Variants in PTPRS observed in about 807,000 individuals in gnomAD.
PTPRS encodes receptor-type tyrosine-protein phosphatase S.
A neutral mutation model predicts 215.3 loss-of-function variants in PTPRS; 63 were observed. The ratio of observed to expected loss-of-function variants is 0.29; its 90% CI spans 0.24 to 0.36. The LOEUF (loss-of-function observed/expected upper bound fraction) is 0.36. PTPRS is among the 10% of genes least tolerant of loss of function. PTPRS has a pLI of 1.00. For missense variants in PTPRS, 2,258 were observed against 2,825.8 expected, an observed-to-expected ratio of 0.80 and a Z score of 4.56; for synonymous variants, 1,404 against 1,191.4, an observed-to-expected ratio of 1.18 and a Z score of -3.68.
chr19:5,273,127 T>C lies in PTPRS; in HGVS notation c.379+315A>G, dbSNP rs1407211135. On this transcript the variant is annotated intron_variant, in intron 4 of 37. Transcript: ENST00000262963. Reference sequence around the variant, plus strand: ...GCCAGCCACTCCATGGAATTTTAATTCTGCACATCAATTACCTTTCTCGCT... The same window carrying C: ...GCCAGCCACTCCATGGAATTTTAATCCTGCACATCAATTACCTTTCTCGCT... 8.5e-6 allele frequency: 3 copies of C among 352,352 alleles called. No homozygotes were observed. In the Admixed American group the frequency reaches 1.3e-4, roughly 15 times the overall value. The allele number at this position is 352,352 out of a possible 1,614,324, so 21.8% of individuals were successfully genotyped here.
intron 25 of PTPRS, among the ~76,000 whole-genome samples, chr19:5,217,327 G>A (rs2041566349): frequency 6.6e-6 from 1 of 152,198 alleles, no homozygotes; most frequent in Non-Finnish European, 1.5e-5. Flanking sequence ...GGAGACTGCA[G>A]CCGTCAGTTA....
At chr19:5,326,031 A>G (rs2050157421) in intron 1 of PTPRS, among the ~76,000 whole-genome samples, 2 of 152,054 alleles carry the variant, frequency 1.3e-5, no homozygotes, top group African/African-American at 4.8e-5. Flanking sequence ...AGGAGTTCGA[A>G]ACCAGCCTGG....
At chr19:5,222,269 G>T in intron 18 of PTPRS, 49 bp from the exon 19 acceptor site, 1 of 1,490,822 alleles carries the variant, frequency 6.7e-7, no homozygotes, top group South Asian at 1.1e-5. Flanking sequence ...GAGGCCCCAT[G>T]AGTGCCTGGC....
chr19:5,215,496 A>C lies in PTPRS; in HGVS notation c.4194+2T>G. 1 of 1,608,298 alleles carries C rather than the reference A, an allele frequency of 6.2e-7. No homozygotes were observed. The highest frequency in any genetic ancestry group is 8.5e-7 in the Non-Finnish European group (1 of 1,175,574). On this transcript the variant is annotated splice_donor_variant, in intron 27 of 37. Coordinates refer to ENST00000262963, the MANE Select transcript of PTPRS (RefSeq NM_002850.4). LOFTEE classifies it high-confidence loss of function. The stretch of plus-strand genomic sequence containing the variant: ...GAGGGTGGGAGGCGGGGGTGGGCTC[A>C]CCTCATACTCCTGGGAGAGCTTGAG...
At chr19:5,286,810 C>T (rs1316710802) in intron 1 of PTPRS, among the ~76,000 whole-genome samples, 2 of 152,082 alleles carry the variant, frequency 1.3e-5, no homozygotes, top group African/African-American at 2.4e-5. Flanking sequence ...GAGTCCCCAA[C>T]CCAGGCTGGG....
chr19:5,264,143 AC>A (rs1382815083), intron 5 of PTPRS, among the ~76,000 whole-genome samples: 6 of 64,766 alleles, frequency 9.3e-5, no homozygotes, highest in Non-Finnish European at 1.3e-4. Flanking sequence ...GTGCCCCCTT[AC>A]AGACCTGAAG....
At position 5,286,041 on chromosome 19, in the gene PTPRS, G is replaced by C; in HGVS notation, c.91+9C>G. The C allele has an allele frequency of 6.2e-7, 1 of 1,611,316 alleles. No homozygotes were observed. The highest frequency in any genetic ancestry group is 8.5e-7 in the Non-Finnish European group (1 of 1,177,728). ...GCAGACCCCTGCACATCCCGTGCCG[G>C]CTTCTTACCTTCTGCTGCACAGCCT... On this transcript the variant is annotated intron_variant, in intron 2 of 37. Coordinates refer to ENST00000262963, the MANE Select transcript of PTPRS (RefSeq NM_002850.4).
At chr19:5,290,130 T>C (rs4807710) in intron 1 of PTPRS, among the ~76,000 whole-genome samples, 139,197 of 152,266 alleles carry the variant, frequency 0.91, 63,768 homozygotes, top group Middle Eastern at 0.97. Flanking sequence ...GCTGAACCCA[T>C]GTGGGGCTCA....
At chr19:5,313,758 C>T (rs775514046) in intron 1 of PTPRS, among the ~76,000 whole-genome samples, 1 of 152,042 alleles carries the variant, frequency 6.6e-6, no homozygotes, top group Admixed American at 6.6e-5. Flanking sequence ...ACCAACCCAC[C>T]GTTCAATCCA....
At chr19:5,248,765 G>A (rs1398940802) in intron 9 of PTPRS, among the ~76,000 whole-genome samples, 1 of 152,206 alleles carries the variant, frequency 6.6e-6, no homozygotes, top group Non-Finnish European at 1.5e-5. Context: ...AGACGTGGAG[G>A]AGCTGATGTG....
At position 5,221,094 on chromosome 19, in the gene PTPRS, G is replaced by A. The variant is rs748360435; in HGVS notation, c.3361C>T (p.Leu1121=). 5 of 1,613,894 alleles carry A rather than the reference G, an allele frequency of 3.1e-6. No homozygotes were observed. Among genetic ancestry groups the A allele is most frequent in the Non-Finnish European group, 4.2e-6 (5 of 1,180,004 alleles). ...GCGACGCTGGGCTTGCCGTTGAGCA[G>A]GTTGAAGGCAGTCCAGGCGGTGACC... ...QTVTAWTAFN[L]LNGKPSVAPK... is the part of the protein sequence containing the mutation. The change falls in exon 20 of 38, where the codon CTG becomes TTG. Residue 1121 remains leucine (L), a synonymous_variant. Coordinates refer to ENST00000262963, the MANE Select transcript of PTPRS (RefSeq NM_002850.4).
rs377547934 is a variant in PTPRS at position 5,287,616 on chromosome 19, C to T, written c.-94-1382G>A. Among the ~76,000 whole-genome samples, 2 of 152,170 alleles carry T rather than the reference C, an allele frequency of 1.3e-5. No individual in the cohort carries two copies. The highest frequency in any genetic ancestry group is 4.1e-4 in the South Asian group (2 of 4,828). ...AGGCCGTGACCACAGGAACTGGTGG[C>T]GCATAATAACGGGGCAGCCCCTGTG... On this transcript the variant is annotated intron_variant, in intron 1 of 37. Coordinates refer to ENST00000262963, the MANE Select transcript of PTPRS (RefSeq NM_002850.4). The surrounding 1 kb of genome is among the most constrained non-coding windows in gnomAD (Gnocchi z 4.8).
intron 1 of PTPRS, among the ~76,000 whole-genome samples, chr19:5,323,884 TCC>T (rs1047949170): frequency 7.9e-5 from 12 of 151,982 alleles, no homozygotes; most frequent in African/African-American, 2.9e-4. Context: ...ACCGTGTTGG[TCC>T]AGGTGATGAT....
intron 1 of PTPRS, among the ~76,000 whole-genome samples, chr19:5,324,803 C>A (rs2050127533): frequency 6.6e-6 from 1 of 152,132 alleles, no homozygotes; most frequent in Admixed American, 6.6e-5. Context: ...AGGTGGGATC[C>A]GTGTCAGCAC....
chr19:5,228,219 C>G (rs1221383911), intron 16 of PTPRS, among the ~76,000 whole-genome samples: 2 of 151,666 alleles, frequency 1.3e-5, no homozygotes, highest in Non-Finnish European at 2.9e-5. Flanking sequence ...GTGGCTCATG[C>G]CTGTAATCCC....
chr19:5,256,010 G>A, intron 9 of PTPRS, 98 bp downstream of exon 9: 2 of 993,904 alleles, frequency 2.0e-6, no homozygotes, highest in Non-Finnish European at 3.0e-6. Context: ...GTCAGCGTGT[G>A]TCCGTGTGGT....
In PTPRS at chr19:5,212,044, C is replaced by T. The variant is rs749770933; in HGVS notation, c.4976G>A (p.Arg1659His). 14 of 1,613,834 alleles carry T rather than the reference C, an allele frequency of 8.7e-6. No individual in the cohort carries two copies. The highest frequency in any genetic ancestry group is 2.2e-5 in the South Asian group (2 of 91,088). The change falls in exon 32 of 38, where the codon CGC becomes CAC. Residue 1659 changes from arginine to histidine, a missense_variant. Around this residue, in one of 6 missense-constraint regions of PTPRS, gnomAD observed 927 missense variants for 1,125.9 expected, o/e 0.82. Transcript: ENST00000262963. ...VGCGNTEVPA[R>H]SLYAYIQKLA... ...CTTCTGGATGTAGGCATAGAGGCTG[C>T]GTGCGGGCACTTCTGTGTTGCCACA...
At chr19:5,225,294 G>C (rs1180659258) in intron 17 of PTPRS, among the ~76,000 whole-genome samples, 1 of 152,120 alleles carries the variant, frequency 6.6e-6, no homozygotes, top group Non-Finnish European at 1.5e-5. Context: ...AAGCACAGGA[G>C]ACTAGGGGGC....
At chr19:5,306,745 G>C (rs1164136876) in intron 1 of PTPRS, among the ~76,000 whole-genome samples, 1 of 152,156 alleles carries the variant, frequency 6.6e-6, no homozygotes, top group Non-Finnish European at 1.5e-5. Context: ...CAGCTGGGGT[G>C]GAAGGTCGGG....
Sources: allele counts gnomAD v4.1 joint callset (sites outside exome capture counted in the v4.1 genomes callset), GRCh38; gene constraint gnomAD v4.1.1; regional missense constraint gnomAD v4.1.1; non-coding constraint Gnocchi (gnomAD v3.1); transcripts MANE v1.5; gene names NCBI Gene and HGNC (gene_info 2026-07-23, HGNC 2026-07-21).